Variants in GALNTL5 observed in about 807,000 individuals in gnomAD.
GALNTL5 encodes the protein polypeptide N-acetylgalactosaminyltransferase like 5.
Under a neutral mutation model 51.0 loss-of-function variants are expected in GALNTL5, and 44 were observed. The observed-to-expected ratio is 0.86, with a 90% CI of 0.68 to 1.11. GALNTL5 has a LOEUF of 1.11. GALNTL5 is among the 50% of genes least tolerant of loss of function. The pLI is 0.00. For missense variants in GALNTL5, 528 were observed against 531.8 expected (o/e 0.99, Z 0.07); for synonymous variants, 192 against 182.8 (o/e 1.05, Z -0.41).
At chr7:151,979,032 C>A (rs2081242122) in intron 3 of GALNTL5, among the ~76,000 whole-genome samples, 1 of 151,206 alleles carries the variant, frequency 6.6e-6, no homozygotes, top group Admixed American at 6.6e-5. Context: ...ATAAGGTCAG[C>A]AATGTGTAAG....
intron 4 of GALNTL5, 68 bp downstream of exon 4, chr7:151,983,220 C>T (rs2081317042): frequency 2.9e-6 from 4 of 1,364,676 alleles, no homozygotes; most frequent in Non-Finnish European, 4.2e-6. Context: ...CTCTGTCACC[C>T]AGGCTGGAGT....
At chr7:152,006,230 A>G (rs900463110) in intron 6 of GALNTL5, among the ~76,000 whole-genome samples, 1 of 152,230 alleles carries the variant, frequency 6.6e-6, no homozygotes, top group Non-Finnish European at 1.5e-5. Flanking sequence ...TGAGCATTGG[A>G]CTAAACCATG....
At chr7:152,019,418 G>A (rs2081860642) in intron 8 of GALNTL5, among the ~76,000 whole-genome samples, 2 of 152,186 alleles carry the variant, frequency 1.3e-5, no homozygotes, top group African/African-American at 4.8e-5. Context: ...AGTCTTCCTG[G>A]ATCCCGCTAG....
In GALNTL5 at chr7:152,008,084, G is replaced by A. The variant is rs568257436; in HGVS notation, c.1026+140G>A. 4.9e-5 allele frequency: 29 copies of A among 586,560 alleles called. No individual in the cohort carries two copies. The South Asian group carries it at 6.8e-4, about 14-fold the overall frequency. The allele number at this position is 586,560 out of a possible 1,614,324, so 36.3% of individuals were successfully genotyped here. A position where few individuals can be genotyped will look rare whatever the true frequency, so the allele number is the denominator to read the frequency against. ...GCAGCACATGCAATAAACAATTTATGGGGCTCCTTGTAAAAATGGAAAACA... is the reference window on the plus strand; with the variant it reads ...GCAGCACATGCAATAAACAATTTATAGGGCTCCTTGTAAAAATGGAAAACA... On this transcript the variant is annotated intron_variant, in intron 7 of 8. Coordinates refer to ENST00000392800, the MANE Select transcript of GALNTL5 (RefSeq NM_145292.4).
rs1182990482 is a variant in GALNTL5 at position 152,007,878 on chromosome 7, T to A, written c.960T>A (p.Asn320Lys). 2 of 1,613,236 alleles carry A rather than the reference T, an allele frequency of 1.2e-6. No homozygotes were observed. The highest frequency in any genetic ancestry group is 4.5e-5 in the East Asian group (2 of 44,850). The change falls in exon 7 of 9, where the codon AAT (asparagine) becomes AAA (lysine). Residue 320 changes from asparagine to lysine, a missense_variant. Physicochemically the swap from Asn to Lys is moderately conservative, Grantham distance 94. Coordinates refer to ENST00000392800, the MANE Select transcript of GALNTL5 (RefSeq NM_145292.4). ...TTGCTATACGTCGGCATTATTTTAA[T>A]GAAATTGGACAGTATGACAAGGATA... is the stretch of plus-strand genomic sequence containing the variant. Reference protein sequence around the residue: ...GIFAIRRHYFNEIGQYDKDMD... With the variant: ...GIFAIRRHYFKEIGQYDKDMD...
At chr7:151,985,534 G>A (rs1242482439) in intron 4 of GALNTL5, among the ~76,000 whole-genome samples, 1 of 152,144 alleles carries the variant, frequency 6.6e-6, no homozygotes, top group Non-Finnish European at 1.5e-5. Context: ...AGGTATGGCC[G>A]ATAGACTCCT....
chr7:151,980,894 C>T (rs1345920292), intron 3 of GALNTL5, among the ~76,000 whole-genome samples: 4 of 149,720 alleles, frequency 2.7e-5, no homozygotes, highest in African/African-American at 1.0e-4. Context: ...TACAGGCACC[C>T]GCCACTGCGC....
intron 6 of GALNTL5, among the ~76,000 whole-genome samples, chr7:152,004,128 C>T (rs1391222545): frequency 6.6e-6 from 1 of 151,838 alleles, no homozygotes; most frequent in African/African-American, 2.4e-5. Flanking sequence ...CTGAAAACAA[C>T]ATATTCAATA....
intron 5 of GALNTL5, among the ~76,000 whole-genome samples, chr7:151,998,498 ATGG>A (rs1301057723): frequency 6.6e-6 from 1 of 152,194 alleles, no homozygotes; most frequent in Non-Finnish European, 1.5e-5. Flanking sequence ...CAAGCTGGGC[ATGG>A]TGGCTCACGC....
chr7:152,008,036 C>T, intron 7 of GALNTL5, 92 bp downstream of exon 7: 1 of 748,644 alleles, frequency 1.3e-6, no homozygotes, highest in South Asian at 1.6e-5. Flanking sequence ...AATTTTCCTA[C>T]ATGAACATCC....
At chr7:152,009,260 T>C (rs527569137) in intron 7 of GALNTL5, among the ~76,000 whole-genome samples, 2 of 152,282 alleles carry the variant, frequency 1.3e-5, no homozygotes, top group East Asian at 3.9e-4. Flanking sequence ...TACTCCTCAT[T>C]CCAGTAAATC....
intron 5 of GALNTL5, among the ~76,000 whole-genome samples, chr7:151,991,058 C>CAG: frequency 6.6e-6 from 1 of 151,996 alleles, no homozygotes; most frequent in Non-Finnish European, 1.5e-5. Flanking sequence ...CTTCCTTACC[C>CAG]TGCGATCATG....
At chr7:151,979,276 A>T (rs1010804743) in intron 3 of GALNTL5, among the ~76,000 whole-genome samples, 2 of 131,446 alleles carry the variant, frequency 1.5e-5, no homozygotes, top group African/African-American at 5.8e-5. Flanking sequence ...CGCCCAGCTA[A>T]TTTTTTTTTT....
At chr7:152,013,462 A>G (rs1019173) in intron 7 of GALNTL5, among the ~76,000 whole-genome samples, 48,963 of 152,112 alleles carry the variant, frequency 0.32, 8,282 homozygotes, top group Non-Finnish European at 0.37. Flanking sequence ...TAAAGCAACA[A>G]GCAATGGTTA....
rs187229668 is a variant in GALNTL5 at position 151,976,522 on chromosome 7, G to A, written c.368+5457G>A. Among the ~76,000 whole-genome samples the A allele has an allele frequency of 6.7e-3, 1,020 of 152,090 alleles. 10 individuals carry two copies. Among genetic ancestry groups the A allele is most frequent in the African/African-American group, 0.024 (985 of 41,470 alleles). Reference sequence around the variant, plus strand: ...TTAATCCTTGTATATCCTTAAAGGGGAAGTGAGTTTCTTATAGGCAGCATC... The same window carrying A: ...TTAATCCTTGTATATCCTTAAAGGGAAAGTGAGTTTCTTATAGGCAGCATC... On this transcript the variant is annotated intron_variant, in intron 3 of 8. Coordinates refer to ENST00000392800, the MANE Select transcript of GALNTL5 (RefSeq NM_145292.4).
intron 8 of GALNTL5, among the ~76,000 whole-genome samples, chr7:152,016,386 G>A (rs1468114617): frequency 6.7e-5 from 10 of 149,952 alleles, no homozygotes; most frequent in Non-Finnish European, 1.2e-4. Flanking sequence ...CCTGGGCAAC[G>A]AGAGCAAAAC....
chr7:152,011,181 G>C (rs1305908755), intron 7 of GALNTL5, among the ~76,000 whole-genome samples: 1 of 152,168 alleles, frequency 6.6e-6, no homozygotes, highest in East Asian at 1.9e-4. Flanking sequence ...CACCAGCTCA[G>C]TTCCACCCTG....
At chr7:152,001,072 A>T (rs1311028127) in intron 5 of GALNTL5, among the ~76,000 whole-genome samples, 2 of 144,270 alleles carry the variant, frequency 1.4e-5, no homozygotes, top group Non-Finnish European at 3.0e-5. Flanking sequence ...CACCTGGCTA[A>T]TTTTTTTTTT....
At chr7:152,014,562 C>T (rs568296100) in intron 7 of GALNTL5, 82 bp from the exon 8 acceptor site, 1 of 1,374,398 alleles carries the variant, frequency 7.3e-7, no homozygotes, top group South Asian at 1.4e-5. Flanking sequence ...GCCACCGCAC[C>T]TGGCCATTAT....
Sources: gnomAD v4.1 joint callset for allele counts (sites outside exome capture counted in the v4.1 genomes callset) on GRCh38, gnomAD v4.1.1 for gene constraint, MANE v1.5 for transcripts, NCBI Gene and HGNC (gene_info 2026-07-23, HGNC 2026-07-21) for gene names.